GPHN: variants seen among roughly 807,000 people sequenced by gnomAD.
The protein encoded by GPHN is gephyrin.
A neutral mutation model predicts 95.5 loss-of-function variants in GPHN; 17 were observed. The ratio of observed to expected loss-of-function variants is 0.18; its 90% CI spans 0.12 to 0.27. The LOEUF (loss-of-function observed/expected upper bound fraction) is 0.27. Ranked by LOEUF, GPHN falls within the 10% of genes least tolerant of loss-of-function variation. The pLI is 1.00. For missense variants in GPHN, 660 were observed against 978.1 expected (o/e 0.67, Z 4.34); for synonymous variants, 320 against 322.5 (o/e 0.99, Z 0.08).
chr14:66,913,444 C>T (rs561392256), intron 5 of GPHN, among the ~76,000 whole-genome samples: 75 of 152,204 alleles, frequency 4.9e-4, no homozygotes, highest in Middle Eastern at 3.4e-3. Flanking sequence ...CAGATTCAAG[C>T]GATTCTTCTG....
At chr14:67,206,173 C>T in the GPHN span, among the ~76,000 whole-genome samples, 2 of 151,384 alleles carry the variant, frequency 1.3e-5, no homozygotes, top group African/African-American at 4.9e-5. Context: ...AACAGTCACA[C>T]CCTGTCTCAA....
chr14:67,450,305 T>C, the GPHN span, among the ~76,000 whole-genome samples: 35 of 152,128 alleles, frequency 2.3e-4, no homozygotes, highest in African/African-American at 8.2e-4. Flanking sequence ...TTGGTACCAG[T>C]AGAGTGGGGC....
chr14:67,184,295 C>A (rs534325140), downstream of GPHN, among the ~76,000 whole-genome samples: 2 of 152,200 alleles, frequency 1.3e-5, no homozygotes, highest in East Asian at 3.9e-4. Flanking sequence ...GACAATAAAA[C>A]CATTAGAGAT....
the GPHN span, chr14:67,466,987 C>G: frequency 2.3e-5 from 3 of 132,260 alleles, no homozygotes; most frequent in Non-Finnish European, 4.8e-5. Flanking sequence ...AGAGGGGGAC[C>G]CAATCTCAAA....
the GPHN span, among the ~76,000 whole-genome samples, chr14:67,319,746 T>C: frequency 6.6e-6 from 1 of 152,214 alleles, no homozygotes; most frequent in African/African-American, 2.4e-5. Context: ...GCTTGAACTA[T>C]AGGAAAGTAT....
the GPHN span, among the ~76,000 whole-genome samples, chr14:67,382,992 G>T: frequency 6.6e-6 from 1 of 152,008 alleles, no homozygotes; most frequent in Non-Finnish European, 1.5e-5. Flanking sequence ...TGGAAGACAG[G>T]TTTTTTTAAC....
chr14:67,397,838 CAAG>C, the GPHN span: 2 of 1,599,692 alleles, frequency 1.3e-6, no homozygotes, highest in Non-Finnish European at 1.7e-6. Flanking sequence ...TATGGACAGA[CAAG>C]AAAGCCCTGA....
chr14:67,286,672 C>A, the GPHN span, among the ~76,000 whole-genome samples: 1 of 144,418 alleles, frequency 6.9e-6, no homozygotes, highest in East Asian at 2.1e-4. Context: ...CCTGGGCAAC[C>A]TGGTGAAACT....
chr14:67,059,253 G>T (rs2075729905), intron 11 of GPHN, among the ~76,000 whole-genome samples: 2 of 151,964 alleles, frequency 1.3e-5, no homozygotes, highest in South Asian at 4.2e-4. Flanking sequence ...ATTTATCCAT[G>T]GATACTAAGA....
intron 8 of GPHN, among the ~76,000 whole-genome samples, chr14:66,933,022 T>G (rs565379369): frequency 6.6e-6 from 1 of 152,364 alleles, no homozygotes; most frequent in Non-Finnish European, 1.5e-5. Context: ...CAGTGAAGAC[T>G]TTCTCATTGA....
chr14:67,504,969 T>G, the GPHN span, among the ~76,000 whole-genome samples: 1 of 152,218 alleles, frequency 6.6e-6, no homozygotes, highest in Admixed American at 6.5e-5. Flanking sequence ...GTTGCTTTTA[T>G]GATTTCCCAA....
At chr14:67,374,558 C>A in the GPHN span, 1 of 1,578,954 alleles carries the variant, frequency 6.3e-7, no homozygotes, top group South Asian at 1.1e-5. Context: ...GTAAGTTGAT[C>A]TTTGAGTCAA....
intron 2 of GPHN, among the ~76,000 whole-genome samples, chr14:66,726,355 T>G (rs2071235267): frequency 6.6e-6 from 1 of 152,202 alleles, no homozygotes; most frequent in Non-Finnish European, 1.5e-5. Context: ...ATTAATTAAA[T>G]TTAAAACAAA....
At chr14:66,948,809 GTT>G (rs931721753) in intron 8 of GPHN, among the ~76,000 whole-genome samples, 1 of 152,120 alleles carries the variant, frequency 6.6e-6, no homozygotes, top group African/African-American at 2.4e-5. Context: ...GTTTTGGGAG[GTT>G]GTTTGTTTGT....
the GPHN span, among the ~76,000 whole-genome samples, chr14:67,438,530 A>G: frequency 6.6e-5 from 10 of 152,348 alleles, no homozygotes; most frequent in South Asian, 1.9e-3. Context: ...TGAAACAGGA[A>G]TAATAACCCC....
At chr14:66,727,097 A>G (rs1310596623) in intron 2 of GPHN, among the ~76,000 whole-genome samples, 2 of 152,170 alleles carry the variant, frequency 1.3e-5, no homozygotes, top group African/African-American at 4.8e-5. Flanking sequence ...TAGTGAAAGT[A>G]GATAAGTCTC....
intron 2 of GPHN, among the ~76,000 whole-genome samples, chr14:66,736,104 A>T (rs1218174398): frequency 6.6e-6 from 1 of 152,176 alleles, no homozygotes; most frequent in South Asian, 2.1e-4. Context: ...AGGAACAAAG[A>T]TCTACTATAT....
chr14:67,313,124 G>T, the GPHN span, among the ~76,000 whole-genome samples: 3 of 152,098 alleles, frequency 2.0e-5, no homozygotes, highest in African/African-American at 7.2e-5. Flanking sequence ...TGTACCAAAC[G>T]TGATCTTAGG....
intron 10 of GPHN, among the ~76,000 whole-genome samples, chr14:67,026,830 G>A (rs1050179569): frequency 6.6e-6 from 1 of 152,140 alleles, no homozygotes; most frequent in African/African-American, 2.4e-5. Flanking sequence ...TTTTAGTAGA[G>A]ATGGGGTTTC....
Sources: gnomAD v4.1 joint callset for allele counts (sites outside exome capture counted in the v4.1 genomes callset) on GRCh38, gnomAD v4.1.1 for gene constraint, MANE v1.5 for transcripts, NCBI Gene and HGNC (gene_info 2026-07-23, HGNC 2026-07-21) for gene names.